TAFA2: variants seen among roughly 807,000 people sequenced by gnomAD.
The protein encoded by TAFA2 is TAFA chemokine like family member 2, also known as chemokine-like protein TAFA-2.
A neutral mutation model predicts 18.8 loss-of-function variants in TAFA2; 7 were observed. The observed-to-expected ratio is 0.37, with a 90% CI of 0.21 to 0.70. The LOEUF is 0.70. TAFA2 is among the 30% of genes least tolerant of loss of function. The pLI is 0.53. For synonymous variants in TAFA2, 60 were observed against 54.2 expected, an observed-to-expected ratio of 1.11 and a Z score of -0.47; for missense variants, 122 against 158.1, an observed-to-expected ratio of 0.77 and a Z score of 1.23.
At chr12:61,897,223 G>T (rs977614812) in intron 1 of TAFA2, among the ~76,000 whole-genome samples, 6 of 152,150 alleles carry the variant, frequency 3.9e-5, no homozygotes, top group African/African-American at 1.4e-4. Flanking sequence ...GAGACAAAAT[G>T]ATGCTGACTG....
At chr12:61,733,272 T>C (rs1006959224) in intron 4 of TAFA2, among the ~76,000 whole-genome samples, 6 of 152,074 alleles carry the variant, frequency 3.9e-5, no homozygotes, top group Non-Finnish European at 8.8e-5. Context: ...AGCTCTTTAG[T>C]TTAATTAGAT....
intron 2 of TAFA2, among the ~76,000 whole-genome samples, chr12:61,756,939 G>A (rs1869301945): frequency 6.6e-6 from 1 of 152,098 alleles, no homozygotes; most frequent in Non-Finnish European, 1.5e-5. Flanking sequence ...GATGGCCAGG[G>A]TGGCTGGAGT....
At chr12:61,920,463 C>T (rs548101875) in intron 1 of TAFA2, among the ~76,000 whole-genome samples, 8 of 152,276 alleles carry the variant, frequency 5.3e-5, no homozygotes, top group African/African-American at 1.9e-4. Flanking sequence ...TAAAATAAAC[C>T]TTATCTTCCA....
intron 1 of TAFA2, among the ~76,000 whole-genome samples, chr12:61,984,168 T>C (rs778158907): frequency 1.3e-5 from 2 of 152,252 alleles, no homozygotes; most frequent in Non-Finnish European, 2.9e-5. Flanking sequence ...ATTTTGTTAT[T>C]GTATTCACTG....
At chr12:62,022,026 C>T in intron 1 of TAFA2, 1 of 631,434 alleles carries the variant, frequency 1.6e-6, no homozygotes, top group African/African-American at 1.8e-5. Context: ...CTAGCGGCCA[C>T]CTTATCAGCA....
At chr12:61,710,823 A>T (rs1305921651) in intron 4 of TAFA2, among the ~76,000 whole-genome samples, 1 of 152,088 alleles carries the variant, frequency 6.6e-6, no homozygotes, top group East Asian at 1.9e-4. Context: ...CCAGCAACAC[A>T]GTCACATCAT....
chr12:61,986,158 CTTTTTTTTTTTTTTTT>C (rs551223452), intron 1 of TAFA2, among the ~76,000 whole-genome samples: 9 of 65,838 alleles, frequency 1.4e-4, no homozygotes, highest in African/African-American at 5.7e-4. Context: ...CTAAGCTCTT[CTTTTTTTTTTTTTTTT>C]TTTTTTTTTT....
intron 2 of TAFA2, among the ~76,000 whole-genome samples, chr12:61,772,786 CT>C (rs1217034161): frequency 6.6e-5 from 10 of 151,946 alleles, no homozygotes; most frequent in African/African-American, 2.4e-4. Flanking sequence ...AGCACTCCCC[CT>C]GAGAACTGGA....
At chr12:61,813,365 C>T (rs1871952042) in intron 2 of TAFA2, among the ~76,000 whole-genome samples, 1 of 151,194 alleles carries the variant, frequency 6.6e-6, no homozygotes, top group African/African-American at 2.5e-5. Context: ...TTTTTGAAGA[C>T]TTAATCTATA....
intron 2 of TAFA2, among the ~76,000 whole-genome samples, chr12:61,764,675 A>T (rs1015131608): frequency 1.2e-4 from 18 of 152,274 alleles, no homozygotes; most frequent in African/African-American, 4.1e-4. Context: ...GGTTTCATTA[A>T]AATGAAGACA....
At chr12:62,209,119 T>C (rs1345563815) in intron 1 of TAFA2, among the ~76,000 whole-genome samples, 1 of 152,202 alleles carries the variant, frequency 6.6e-6, no homozygotes, top group Non-Finnish European at 1.5e-5. Flanking sequence ...AATCAAAGAC[T>C]TCACATGCTG....
chr12:61,760,365 A>AATATATATATATATACATATATAT (rs1869484848), intron 2 of TAFA2, among the ~76,000 whole-genome samples: 1 of 122,180 alleles, frequency 8.2e-6, no homozygotes, highest in Admixed American at 8.5e-5. Context: ...AAAATATCAA[A>AATATATATATATATACATATATAT]ATATATATAT....
In TAFA2 at chr12:62,107,226, T is replaced by C. The variant is rs549981765; in HGVS notation, c.-2+84033A>G. Among the ~76,000 whole-genome samples, 3 of 120,468 alleles carry C rather than the reference T, an allele frequency of 2.5e-5. No homozygotes were observed. In the South Asian group the frequency reaches 8.8e-4, roughly 35 times the overall value. The allele number at this position is 120,468 out of a possible 152,430, so 79.0% of individuals were successfully genotyped here. A position where few individuals can be genotyped will look rare whatever the true frequency, so the allele number is the denominator to read the frequency against. ...CCCAACCCACTCCCACATGCACACA[T>C]ACACTTTTTTAAAAAAGGGATGAGA... On this transcript the variant is annotated intron_variant, in intron 1 of 4. Transcript: ENST00000416284.
chr12:62,001,597 A>G (rs1357323137), intron 1 of TAFA2, among the ~76,000 whole-genome samples: 1 of 151,976 alleles, frequency 6.6e-6, no homozygotes, highest in Non-Finnish European at 1.5e-5. Flanking sequence ...TAATGCTGCC[A>G]CTGATCTGGC....
At chr12:61,809,174 A>G (rs927252634) in intron 2 of TAFA2, among the ~76,000 whole-genome samples, 2 of 151,532 alleles carry the variant, frequency 1.3e-5, no homozygotes, top group Admixed American at 6.6e-5. Context: ...TCAACGTGCA[A>G]TCTCTAAAGT....
intron 2 of TAFA2, among the ~76,000 whole-genome samples, chr12:61,765,136 A>C (rs1384240430): frequency 2.6e-5 from 4 of 152,058 alleles, no homozygotes; most frequent in Non-Finnish European, 4.4e-5. Context: ...GACACAAAGA[A>C]TGTGGGCAGA....
At chr12:62,062,255 A>G (rs1882369806) in intron 1 of TAFA2, among the ~76,000 whole-genome samples, 1 of 152,220 alleles carries the variant, frequency 6.6e-6, no homozygotes, top group Non-Finnish European at 1.5e-5. Context: ...CATTTTCAAG[A>G]TCAAGTCTAC....
rs145744968 is a variant in TAFA2 at position 62,109,461 on chromosome 12, C to T, written c.-2+81798G>A. Among the ~76,000 whole-genome samples the T allele has an allele frequency of 3.5e-4, 54 of 152,124 alleles. 1 individual carries two copies. In the East Asian group the frequency reaches 5.6e-3, roughly 16 times the overall value. On this transcript the variant is annotated intron_variant, in intron 1 of 4. Transcript: ENST00000416284. ...TTGCTTAGGACTGTCTTGGCTATGC[C>T]GGCTCTTTTTTGGTTTCACATGAAA...
intron 1 of TAFA2, among the ~76,000 whole-genome samples, chr12:61,950,809 C>T (rs1878439583): frequency 6.6e-6 from 1 of 151,970 alleles, no homozygotes; most frequent in South Asian, 2.1e-4. Context: ...TTATAATAAC[C>T]AGTAGATAGT....
Sources: gnomAD v4.1 joint callset for allele counts (sites outside exome capture counted in the v4.1 genomes callset) on GRCh38, gnomAD v4.1.1 for gene constraint, MANE v1.5 for transcripts, NCBI Gene and HGNC (gene_info 2026-07-23, HGNC 2026-07-21) for gene names.